Variants in METTL24 observed in about 807,000 individuals in gnomAD.
METTL24 encodes the protein probable methyltransferase-like protein 24.
In METTL24, 29 loss-of-function variants were observed where a neutral mutation model predicts 32.7. That is an observed-to-expected ratio of 0.89 (90% CI 0.66 to 1.21). The LOEUF is 1.21. Among genes scored for constraint, METTL24 ranks in the 50% most tolerant of loss-of-function variants. The pLI is 0.00. For synonymous variants in METTL24, 163 were observed against 179.5 expected, an observed-to-expected ratio of 0.91 and a Z score of 0.73; for missense variants, 439 against 468.1, an observed-to-expected ratio of 0.94 and a Z score of 0.57.
chr6:110,308,150 C>T (rs1771657189), intron 3 of METTL24, among the ~76,000 whole-genome samples: 1 of 152,172 alleles, frequency 6.6e-6, no homozygotes, highest in African/African-American at 2.4e-5. Flanking sequence ...TCATTTCCAT[C>T]ATAATCACCA....
intron 1 of METTL24, among the ~76,000 whole-genome samples, chr6:110,348,715 G>A (rs1017589978): frequency 7.9e-5 from 12 of 152,214 alleles, no homozygotes; most frequent in East Asian, 1.9e-4. Flanking sequence ...AGTGATGGCC[G>A]TGAAGATGGA....
At chr6:110,259,837 G>GGATA (rs1373516539) in intron 4 of METTL24, among the ~76,000 whole-genome samples, 2 of 152,144 alleles carry the variant, frequency 1.3e-5, no homozygotes, top group African/African-American at 4.8e-5. Context: ...CCTCCACTGT[G>GGATA]GATACCCAGG....
At chr6:110,341,681 T>C (rs1236482457) in intron 1 of METTL24, among the ~76,000 whole-genome samples, 1 of 152,202 alleles carries the variant, frequency 6.6e-6, no homozygotes, top group African/African-American at 2.4e-5. Flanking sequence ...GATTTCAGCA[T>C]AGAGGCAGTC....
intron 4 of METTL24, among the ~76,000 whole-genome samples, chr6:110,285,869 T>C (rs9487340): frequency 0.18 from 27,325 of 152,128 alleles, 5,783 homozygotes; most frequent in African/African-American, 0.51. Context: ...TACACCCACT[T>C]CTTGTACACA....
intron 4 of METTL24, among the ~76,000 whole-genome samples, chr6:110,260,111 C>T (rs931092211): frequency 1.8e-4 from 28 of 152,122 alleles, no homozygotes; most frequent in Admixed American, 3.9e-4. Flanking sequence ...CAAAGCTGGA[C>T]GGAGAATGAC....
At chr6:110,308,377 T>C (rs1375747735) in intron 3 of METTL24, among the ~76,000 whole-genome samples, 2 of 152,132 alleles carry the variant, frequency 1.3e-5, no homozygotes, top group Non-Finnish European at 2.9e-5. Context: ...GGCTTTGATG[T>C]TCTCCAGGAA....
intron 4 of METTL24, among the ~76,000 whole-genome samples, chr6:110,268,915 G>T (rs1043813401): frequency 4.6e-5 from 7 of 152,036 alleles, no homozygotes; most frequent in Middle Eastern, 3.2e-3. Flanking sequence ...ACCAAAAATG[G>T]ATTATGCTAT....
At chr6:110,326,046 A>C (rs558013524) in intron 1 of METTL24, among the ~76,000 whole-genome samples, 5 of 152,290 alleles carry the variant, frequency 3.3e-5, no homozygotes, top group African/African-American at 1.2e-4. Context: ...TTTCTTCCCC[A>C]AAGTGAGTTC....
chr6:110,259,882 C>T (rs1284702704), intron 4 of METTL24, among the ~76,000 whole-genome samples: 3 of 152,176 alleles, frequency 2.0e-5, no homozygotes, highest in Admixed American at 6.5e-5. Context: ...TGGCAAACTC[C>T]AACAGACCTG....
intron 3 of METTL24, among the ~76,000 whole-genome samples, chr6:110,304,228 G>C (rs1771588484): frequency 6.6e-6 from 1 of 152,162 alleles, no homozygotes; most frequent in South Asian, 2.1e-4. Context: ...GCGCAAAAAG[G>C]CTGAAAATTC....
At chr6:110,274,013 T>C (rs541119510) in intron 4 of METTL24, among the ~76,000 whole-genome samples, 1 of 152,324 alleles carries the variant, frequency 6.6e-6, no homozygotes, top group South Asian at 2.1e-4. Context: ...GAAAATGTGG[T>C]ATCTATACAC....
chr6:110,315,534 G>A, intron 2 of METTL24, 53 bp from the exon 3 acceptor site: 1 of 1,596,024 alleles, frequency 6.3e-7, no homozygotes, highest in Non-Finnish European at 8.6e-7. Flanking sequence ...ATGATAAATA[G>A]CAGGTAGGGA....
intron 1 of METTL24, among the ~76,000 whole-genome samples, chr6:110,326,827 C>A (rs1772025283): frequency 6.6e-6 from 1 of 152,220 alleles, no homozygotes; most frequent in Non-Finnish European, 1.5e-5. Context: ...GTTGGCCAAA[C>A]TCAAAGGGAA....
intron 1 of METTL24, among the ~76,000 whole-genome samples, chr6:110,346,250 T>C (rs1230502289): frequency 6.6e-6 from 1 of 152,228 alleles, no homozygotes; most frequent in African/African-American, 2.4e-5. Flanking sequence ...TTTCAGCCAG[T>C]ATTTCCTGAG....
intron 4 of METTL24, among the ~76,000 whole-genome samples, chr6:110,271,072 C>T (rs896799233): frequency 6.6e-6 from 1 of 151,594 alleles, no homozygotes; most frequent in Non-Finnish European, 1.5e-5. Context: ...ATTGGCCAGG[C>T]TGGTCTCGAA....
chr6:110,266,020 C>T lies in METTL24; in HGVS notation c.787-19760G>A, dbSNP rs372148244. 1.4e-4 allele frequency among the ~76,000 whole-genome samples: 22 copies of T among 152,132 alleles called. No homozygotes were observed. The South Asian group carries it at 4.2e-3, about 29-fold the overall frequency. On this transcript the variant is annotated intron_variant, in intron 4 of 4. Transcript: ENST00000338882. ...AGCTCAAGTAATCCTCCTACCTCAGCCTCCAGAGTAGCTGGGACTATAGGT... is the reference window on the plus strand; with the variant it reads ...AGCTCAAGTAATCCTCCTACCTCAGTCTCCAGAGTAGCTGGGACTATAGGT...
chr6:110,320,104 C>T (rs1009440322), intron 2 of METTL24, among the ~76,000 whole-genome samples: 1 of 152,202 alleles, frequency 6.6e-6, no homozygotes, highest in African/African-American at 2.4e-5. Flanking sequence ...GGAATGAATA[C>T]ATCAATGATG....
At chr6:110,342,183 C>A (rs540634070) in intron 1 of METTL24, among the ~76,000 whole-genome samples, 2 of 152,328 alleles carry the variant, frequency 1.3e-5, no homozygotes, top group South Asian at 4.2e-4. Context: ...AAGCTCACAG[C>A]GATGGCAGCT....
chr6:110,283,782 T>C (rs936363881), intron 4 of METTL24, among the ~76,000 whole-genome samples: 3 of 152,132 alleles, frequency 2.0e-5, no homozygotes, highest in Admixed American at 6.6e-5. Flanking sequence ...CCTCAAAAAA[T>C]TAAAAATAGA....
Sources: allele counts gnomAD v4.1 joint callset (sites outside exome capture counted in the v4.1 genomes callset), GRCh38; gene constraint gnomAD v4.1.1; transcripts MANE v1.5; gene names NCBI Gene and HGNC (gene_info 2026-07-23, HGNC 2026-07-21).